GRID1: variants seen among roughly 807,000 people sequenced by gnomAD.
The protein encoded by GRID1 is glutamate ionotropic receptor delta type subunit 1.
Under a neutral mutation model 98.0 loss-of-function variants are expected in GRID1, and 28 were observed. That is an observed-to-expected ratio of 0.29 (90% confidence interval 0.21 to 0.39). The LOEUF (loss-of-function observed/expected upper bound fraction) is 0.39. Ranked by LOEUF, GRID1 falls within the 10% of genes least tolerant of loss-of-function variation. The pLI is 1.00. For missense variants in GRID1, 1,111 were observed against 1,340.5 expected, an observed-to-expected ratio of 0.83 and a Z score of 2.67; for synonymous variants, 553 against 538.5, an observed-to-expected ratio of 1.03 and a Z score of -0.37.
intron 6 of GRID1, among the ~76,000 whole-genome samples, chr10:85,864,157 G>A (rs770640987): frequency 7.9e-5 from 12 of 152,174 alleles, no homozygotes; most frequent in African/African-American, 1.9e-4. Flanking sequence ...GTGGTTGGCC[G>A]GCAAAGTTAG....
chr10:86,124,309 A>G (rs757672065), intron 4 of GRID1, among the ~76,000 whole-genome samples: 9 of 151,974 alleles, frequency 5.9e-5, no homozygotes, highest in Non-Finnish European at 1.3e-4. Flanking sequence ...CACCTCCCCA[A>G]TGTCACCTGC....
At chr10:86,278,933 T>C (rs1194771514) in intron 2 of GRID1, among the ~76,000 whole-genome samples, 1 of 152,158 alleles carries the variant, frequency 6.6e-6, no homozygotes, top group Non-Finnish European at 1.5e-5. Context: ...AGGACAAAAT[T>C]ACCACCATAA....
intron 2 of GRID1, among the ~76,000 whole-genome samples, chr10:86,304,412 T>C (rs1037182332): frequency 6.6e-6 from 1 of 152,206 alleles, no homozygotes; most frequent in African/African-American, 2.4e-5. Context: ...ATCCTGACCC[T>C]TGCTCACCCC....
chr10:85,776,975 CTG>C (rs1360484160), intron 8 of GRID1, among the ~76,000 whole-genome samples: 1 of 152,224 alleles, frequency 6.6e-6, no homozygotes, highest in Non-Finnish European at 1.5e-5. Context: ...CTACAACAAA[CTG>C]TGGTATTGGC....
intron 12 of GRID1, among the ~76,000 whole-genome samples, chr10:85,719,708 G>A (rs1313243883): frequency 6.6e-6 from 1 of 152,020 alleles, no homozygotes; most frequent in African/African-American, 2.4e-5. Flanking sequence ...GTTGAGATTC[G>A]GGTGGGGGCA....
intron 2 of GRID1, among the ~76,000 whole-genome samples, chr10:86,354,000 C>CT (rs1234215243): frequency 2.6e-5 from 4 of 152,108 alleles, no homozygotes; most frequent in Non-Finnish European, 4.4e-5. Flanking sequence ...AGAGCCCAGA[C>CT]CAGAGGCCAG....
intron 8 of GRID1, among the ~76,000 whole-genome samples, chr10:85,801,396 A>G (rs1245882930): frequency 3.9e-5 from 6 of 151,934 alleles, no homozygotes; most frequent in Non-Finnish European, 8.8e-5. Context: ...AAAAGAAATA[A>G]AAATTATTCA....
At chr10:86,018,616 G>T (rs1401898406) in intron 4 of GRID1, among the ~76,000 whole-genome samples, 1 of 152,188 alleles carries the variant, frequency 6.6e-6, no homozygotes, top group African/African-American at 2.4e-5. Flanking sequence ...TTCCAGAGCT[G>T]TTTCTTCCAA....
intron 4 of GRID1, among the ~76,000 whole-genome samples, chr10:85,936,342 A>G (rs1374722523): frequency 6.6e-6 from 1 of 152,264 alleles, no homozygotes; most frequent in Non-Finnish European, 1.5e-5. Context: ...ACACCAAACT[A>G]GAATATCACA....
chr10:85,662,475 G>A (rs2132571776), intron 12 of GRID1, among the ~76,000 whole-genome samples: 1 of 152,300 alleles, frequency 6.6e-6, no homozygotes, highest in Middle Eastern at 3.4e-3. Context: ...GCGGCTGTGG[G>A]TGGAGCCATC....
At chr10:86,116,444 G>T (rs1844580746) in intron 4 of GRID1, among the ~76,000 whole-genome samples, 1 of 152,108 alleles carries the variant, frequency 6.6e-6, no homozygotes, top group Non-Finnish European at 1.5e-5. Flanking sequence ...AGGAGCCCAG[G>T]GTGAGAAGCT....
chr10:85,763,627 C>T (rs747356563), intron 8 of GRID1, among the ~76,000 whole-genome samples: 1 of 152,238 alleles, frequency 6.6e-6, no homozygotes, highest in African/African-American at 2.4e-5. Flanking sequence ...ACCTTACTCA[C>T]TGGAAATGGA....
chr10:86,238,668 CAAAAAA>C (rs931719950), intron 2 of GRID1, among the ~76,000 whole-genome samples: 4 of 47,084 alleles, frequency 8.5e-5, no homozygotes, highest in African/African-American at 1.8e-4. Flanking sequence ...GATTCCATCT[CAAAAAA>C]AAAAAAAAAA....
intron 3 of GRID1, among the ~76,000 whole-genome samples, chr10:86,144,297 GAA>G (rs1845053735): frequency 6.6e-6 from 1 of 152,146 alleles, no homozygotes; most frequent in Non-Finnish European, 1.5e-5. Context: ...CCCCTAGGAA[GAA>G]CATTCCAGGA....
chr10:85,752,759 A>T (rs1842059907), intron 8 of GRID1, among the ~76,000 whole-genome samples: 1 of 152,226 alleles, frequency 6.6e-6, no homozygotes, highest in African/African-American at 2.4e-5. Context: ...ATGTCCACTC[A>T]TCCATTTTCA....
At chr10:86,314,577 G>A (rs760187742) in intron 2 of GRID1, among the ~76,000 whole-genome samples, 1 of 152,214 alleles carries the variant, frequency 6.6e-6, no homozygotes, top group Non-Finnish European at 1.5e-5. Flanking sequence ...TGCCAGGCCT[G>A]GGAAATGGTG....
At chr10:86,118,705 G>A (rs1844622589) in intron 4 of GRID1, among the ~76,000 whole-genome samples, 1 of 152,004 alleles carries the variant, frequency 6.6e-6, no homozygotes. Flanking sequence ...CCTCAGCCAG[G>A]TGGTCAAGGT....
At chr10:85,906,993 A>G (rs2352097) in intron 5 of GRID1, among the ~76,000 whole-genome samples, 29,088 of 152,218 alleles carry the variant, frequency 0.19, 3,089 homozygotes, top group Middle Eastern at 0.36. Context: ...TCAATAAAAA[A>G]AGAAAAGAGA....
intron 2 of GRID1, among the ~76,000 whole-genome samples, chr10:86,302,331 T>C (rs1315961376): frequency 6.6e-6 from 1 of 152,220 alleles, no homozygotes; most frequent in East Asian, 1.9e-4. Flanking sequence ...GGGGCAGCAC[T>C]GATGAGCCTC....
Sources: allele counts gnomAD v4.1 joint callset (sites outside exome capture counted in the v4.1 genomes callset), GRCh38; gene constraint gnomAD v4.1.1; transcripts MANE v1.5; gene names NCBI Gene and HGNC (gene_info 2026-07-23, HGNC 2026-07-21).